Variants in ZRANB3 observed in about 807,000 individuals in gnomAD.
The protein encoded by ZRANB3 is DNA annealing helicase and endonuclease ZRANB3.
In ZRANB3, 125 loss-of-function variants were observed where a neutral mutation model predicts 133.8. The ratio of observed to expected loss-of-function variants is 0.93; its 90% CI spans 0.81 to 1.08. ZRANB3 has a LOEUF of 1.08. ZRANB3 is among the 50% of genes least tolerant of loss of function. The pLI, the probability that ZRANB3 is intolerant of heterozygous loss-of-function variation, is 0.00. For synonymous variants in ZRANB3, 387 were observed against 432.7 expected (o/e 0.89, Z 1.31); for missense variants, 1,229 against 1,275.5 (o/e 0.96, Z 0.56).
At chr2:135,308,976 A>T (rs1406353612) in intron 8 of ZRANB3, among the ~76,000 whole-genome samples, 1 of 147,628 alleles carries the variant, frequency 6.8e-6, no homozygotes, top group African/African-American at 2.6e-5. Context: ...CTTAGTAATA[A>T]CATCATTTTT....
intron 20 of ZRANB3, 67 bp from the exon 21 acceptor site, chr2:135,200,507 C>T: frequency 7.6e-7 from 1 of 1,315,874 alleles, no homozygotes; most frequent in Non-Finnish European, 1.1e-6. Flanking sequence ...AGCTCAAAAA[C>T]TCTTTATATT....
chr2:135,529,167 T>G (rs982734018), intron 1 of ZRANB3, among the ~76,000 whole-genome samples: 1 of 152,190 alleles, frequency 6.6e-6, no homozygotes, highest in African/African-American at 2.4e-5. Flanking sequence ...AGTAAAATCA[T>G]GGAGTAAACT....
rs565990230 is a variant in ZRANB3, at chr2:135,313,485, G to C, written c.966+4C>G. ...CAAATACATGATGGCCCAGCAAAGAGTACCTTGGCAATAGCAGTTTGTTTA... is the reference window on the plus strand; with the variant it reads ...CAAATACATGATGGCCCAGCAAAGACTACCTTGGCAATAGCAGTTTGTTTA... On this transcript the variant is annotated splice_donor_region_variant and intron_variant, in intron 8 of 20. Transcript: ENST00000264159. 17 of 1,583,918 alleles carry C rather than the reference G, an allele frequency of 1.1e-5. No homozygotes were observed. In the African/African-American group the frequency reaches 1.3e-4, roughly 13 times the overall value.
Position 135,387,035 on chromosome 2 carries a change from T to C in ZRANB3, c.180+3767A>G, listed in dbSNP as rs116197347. ...AAAGAAAAAGATAACAGTGAAAAGA[T>C]ACCGAAAGAAGGGGGAATAATACTA... On this transcript the variant is annotated intron_variant, in intron 3 of 20. Coordinates refer to ENST00000264159, the MANE Select transcript of ZRANB3 (RefSeq NM_032143.4). 3.0e-3 allele frequency among the ~76,000 whole-genome samples: 451 copies of C among 150,644 alleles called. 2 individuals carry two copies. The highest frequency in any genetic ancestry group is 0.01 in the African/African-American group (427 of 41,026).
chr2:135,259,943 G>C (rs942209079), intron 12 of ZRANB3, among the ~76,000 whole-genome samples: 8 of 152,092 alleles, frequency 5.3e-5, no homozygotes, highest in African/African-American at 1.9e-4. Flanking sequence ...AGGAGCAAAA[G>C]AGGAAAAGAA....
intron 8 of ZRANB3, among the ~76,000 whole-genome samples, chr2:135,294,929 A>G (rs1406686730): frequency 2.0e-5 from 3 of 151,958 alleles, no homozygotes; most frequent in Non-Finnish European, 2.9e-5. Context: ...CTTAATCCTG[A>G]GTTTTAGTTT....
intron 8 of ZRANB3, among the ~76,000 whole-genome samples, chr2:135,291,074 T>C (rs1361624878): frequency 6.6e-6 from 1 of 152,060 alleles, no homozygotes; most frequent in Non-Finnish European, 1.5e-5. Flanking sequence ...GCTGGCCAGG[T>C]TGCTCTTGAA....
At chr2:135,417,264 G>GA (rs1462598948) in intron 2 of ZRANB3, among the ~76,000 whole-genome samples, 9 of 151,814 alleles carry the variant, frequency 5.9e-5, no homozygotes, top group African/African-American at 1.9e-4. Context: ...AAATTTACAA[G>GA]AAAAAAACAA....
chr2:135,385,344 A>T (rs1322294911), intron 3 of ZRANB3, among the ~76,000 whole-genome samples: 2 of 152,214 alleles, frequency 1.3e-5, no homozygotes, highest in Non-Finnish European at 2.9e-5. Context: ...ATAAAAGAGG[A>T]TACAAACAAA....
In ZRANB3 at chr2:135,271,899, A is replaced by G. The variant is rs769206855; in HGVS notation, c.1087-12T>C. 6.2e-7 allele frequency: 1 copy of G among 1,606,324 alleles called. No individual in the cohort carries two copies. Among genetic ancestry groups the G allele is most frequent in the Admixed American group, 1.7e-5 (1 of 58,612 alleles). On this transcript the variant is annotated splice_polypyrimidine_tract_variant and intron_variant, in intron 9 of 20. Transcript: ENST00000264159. ...CTAATGTAACGAGTCTAGCATCAAC[A>G]AGGAAAACGGCAAAATTAGGACAAG...
chr2:135,517,478 T>C (rs975767508), intron 1 of ZRANB3, among the ~76,000 whole-genome samples: 7 of 152,214 alleles, frequency 4.6e-5, no homozygotes, highest in Admixed American at 6.5e-5. Context: ...TTTTTGTTGA[T>C]ACTGATGCTA....
chr2:135,200,448 T>C lies in ZRANB3; in HGVS notation c.3142-8A>G. On this transcript the variant is annotated splice_polypyrimidine_tract_variant and splice_region_variant and intron_variant, in intron 20 of 20. Transcript: ENST00000264159. ...AGCTTGTCTGGCAGTTCTCTAAAAG[T>C]TAAAAAATATGCATGTGTACACGTT... The C allele has an allele frequency of 6.3e-7, 1 of 1,585,618 alleles. No homozygotes were observed. The highest frequency in any genetic ancestry group is 1.1e-5 in the South Asian group (1 of 87,320).
rs562515287 is a variant in ZRANB3 at position 135,470,186 on chromosome 2, G to A, written c.161+34143C>T. On this transcript the variant is annotated intron_variant, in intron 2 of 20. Coordinates refer to ENST00000264159, the MANE Select transcript of ZRANB3 (RefSeq NM_032143.4). ...CTAAAAATACAAAAATTAGCCAGGC[G>A]TGGTGGTGGGCACCTATAATCCCAA... 4.6e-5 allele frequency among the ~76,000 whole-genome samples: 7 copies of A among 151,400 alleles called. No individual in the cohort carries two copies. The East Asian group carries it at 5.9e-4, about 13-fold the overall frequency.
Position 135,335,698 on chromosome 2 carries a change from AAAC to A in ZRANB3, c.677+9849_677+9851del, listed in dbSNP as rs1447196399. 7.3e-5 allele frequency among the ~76,000 whole-genome samples: 11 copies of A among 151,484 alleles called. No homozygotes were observed. In the South Asian group the frequency reaches 2.1e-3, roughly 29 times the overall value. ...AAAGAGCAAGACTCTGTCTCAAACA[AAAC>A]AAAACAAAACAAAACAAAACAACAA... On this transcript the variant is annotated intron_variant, in intron 6 of 20. Coordinates refer to ENST00000264159, the MANE Select transcript of ZRANB3 (RefSeq NM_032143.4).
chr2:135,514,686 A>G (rs543190761), intron 1 of ZRANB3, among the ~76,000 whole-genome samples: 3 of 152,262 alleles, frequency 2.0e-5, no homozygotes, highest in Admixed American at 2.0e-4. Flanking sequence ...GCTGAATAGG[A>G]GTGGTGAAAG....
At chr2:135,457,320 A>C (rs1479553934) in intron 2 of ZRANB3, among the ~76,000 whole-genome samples, 1 of 152,214 alleles carries the variant, frequency 6.6e-6, no homozygotes, top group East Asian at 1.9e-4. Context: ...CAATACATCT[A>C]CAAGTGGAAG....
intron 8 of ZRANB3, among the ~76,000 whole-genome samples, chr2:135,283,911 G>T (rs1397724968): frequency 6.6e-6 from 1 of 152,038 alleles, no homozygotes; most frequent in Non-Finnish European, 1.5e-5. Flanking sequence ...GAGCCCGGAA[G>T]TTAGAGGATG....
At chr2:135,274,742 C>T (rs983469108) in intron 9 of ZRANB3, among the ~76,000 whole-genome samples, 18 of 152,134 alleles carry the variant, frequency 1.2e-4, no homozygotes, top group South Asian at 6.2e-4. Context: ...GAACAAGGGT[C>T]TCTGGTTTTC....
chr2:135,353,641 AT>A lies in ZRANB3; in HGVS notation c.181-14del. Reference sequence around the variant, plus strand: ...TTCCTAGACCCATCTAAATTAAAAAATAAATAAATGTTAATAATAGAGCCTA... The same window carrying A: ...TTCCTAGACCCATCTAAATTAAAAAAAAATAAATGTTAATAATAGAGCCTA... On this transcript the variant is annotated splice_polypyrimidine_tract_variant and intron_variant, in intron 3 of 20. Coordinates refer to ENST00000264159, the MANE Select transcript of ZRANB3 (RefSeq NM_032143.4). The A allele has an allele frequency of 2.1e-6, 3 of 1,412,334 alleles. No individual in the cohort carries two copies. The highest frequency in any genetic ancestry group is 1.9e-6 in the Non-Finnish European group (2 of 1,072,940). 87.5% of individuals were successfully genotyped at this position (1,412,334 alleles called of 1,614,324 possible).
Sources: allele counts gnomAD v4.1 joint callset (sites outside exome capture counted in the v4.1 genomes callset), GRCh38; gene constraint gnomAD v4.1.1; transcripts MANE v1.5; gene names NCBI Gene and HGNC (gene_info 2026-07-23, HGNC 2026-07-21).